Variants in KCNMB2 observed in about 807,000 individuals in gnomAD.
The protein encoded by KCNMB2 is potassium calcium-activated channel subfamily M regulatory beta subunit 2.
KCNMB2 carries 9 observed loss-of-function variants against 24.5 expected under a neutral mutation model. That is an observed-to-expected ratio of 0.37 (90% CI 0.22 to 0.64). The LOEUF (loss-of-function observed/expected upper bound fraction) is 0.64. KCNMB2 is among the 30% of genes least tolerant of loss of function. KCNMB2 has a pLI of 0.63. For synonymous variants in KCNMB2, 109 were observed against 104.4 expected, an observed-to-expected ratio of 1.04 and a Z score of -0.27; for missense variants, 226 against 284.3, an observed-to-expected ratio of 0.79 and a Z score of 1.47.
At chr3:178,760,732 T>C (rs1711827015) in intron 1 of KCNMB2, among the ~76,000 whole-genome samples, 2 of 151,862 alleles carry the variant, frequency 1.3e-5, no homozygotes, top group South Asian at 4.1e-4. Flanking sequence ...GGAAAGGCTT[T>C]GAAATTGTCC....
intron 1 of KCNMB2, among the ~76,000 whole-genome samples, chr3:178,574,760 A>G (rs1716930868): frequency 6.6e-6 from 1 of 152,194 alleles, no homozygotes; most frequent in Admixed American, 6.5e-5. Flanking sequence ...TACAATGTAC[A>G]CAATTTAAAT....
At chr3:178,541,575 AAATAT>A (rs1253669566) in intron 1 of KCNMB2, among the ~76,000 whole-genome samples, 3 of 152,318 alleles carry the variant, frequency 2.0e-5, no homozygotes, top group African/African-American at 4.8e-5. Context: ...CAATTAATTA[AAATAT>A]AATAGAATAA....
intron 1 of KCNMB2, among the ~76,000 whole-genome samples, chr3:178,585,786 CACTT>C (rs1209934918): frequency 1.3e-5 from 2 of 152,148 alleles, no homozygotes; most frequent in African/African-American, 2.4e-5. Context: ...ACAGTAGTCT[CACTT>C]ACAACATGTA....
chr3:178,620,344 TA>T (rs144640569), intron 1 of KCNMB2, among the ~76,000 whole-genome samples: 6,670 of 152,270 alleles, frequency 0.044, 453 homozygotes, highest in African/African-American at 0.15. Context: ...AATTTTAAAT[TA>T]TTTTTTAGAG....
chr3:178,825,850 T>G (rs1331497067), intron 3 of KCNMB2, 92 bp downstream of exon 3: 5 of 911,776 alleles, frequency 5.5e-6, no homozygotes, highest in African/African-American at 3.3e-5. Flanking sequence ...CTTCCTCACC[T>G]TCTTTCCTGA....
Position 178,736,738 on chromosome 3 carries a change from A to G in KCNMB2, c.-67-70605A>G, listed in dbSNP as rs551714894. 2.6e-5 allele frequency among the ~76,000 whole-genome samples: 4 copies of G among 152,336 alleles called. No homozygotes were observed. The South Asian group carries it at 8.3e-4, about 32-fold the overall frequency. On this transcript the variant is annotated intron_variant, in intron 1 of 4. Transcript: ENST00000452583. ...AATAAGTTGAAAAGTCTGAGTGAGA[A>G]CTGATACTAATGAAATATGTTTAAA...
chr3:178,721,438 T>C (rs1722802313), intron 1 of KCNMB2, among the ~76,000 whole-genome samples: 1 of 152,226 alleles, frequency 6.6e-6, no homozygotes. Flanking sequence ...TAGTATCCCA[T>C]TGTAGAGCTA....
At chr3:178,543,493 C>A (rs1715685786) in intron 1 of KCNMB2, among the ~76,000 whole-genome samples, 1 of 152,206 alleles carries the variant, frequency 6.6e-6, no homozygotes, top group South Asian at 2.1e-4. Flanking sequence ...TTAACCTCAT[C>A]AGTTACTCTA....
chr3:178,695,537 C>T (rs1244637967), intron 1 of KCNMB2, among the ~76,000 whole-genome samples: 1 of 152,152 alleles, frequency 6.6e-6, no homozygotes, highest in Non-Finnish European at 1.5e-5. Context: ...TTTCTTCCTC[C>T]AGTTACCCTA....
chr3:178,573,557 T>G (rs1716881063), intron 1 of KCNMB2, among the ~76,000 whole-genome samples: 1 of 146,098 alleles, frequency 6.8e-6, no homozygotes, highest in Non-Finnish European at 1.5e-5. Context: ...CTGGACAATG[T>G]GGGGAGACCT....
At chr3:178,564,222 G>A (rs1479782119) in intron 1 of KCNMB2, among the ~76,000 whole-genome samples, 2 of 151,880 alleles carry the variant, frequency 1.3e-5, no homozygotes, top group African/African-American at 2.4e-5. Context: ...AGGTTGCAGT[G>A]AGTCGAGGTC....
intron 1 of KCNMB2, among the ~76,000 whole-genome samples, chr3:178,742,291 G>A (rs1723519795): frequency 6.6e-6 from 1 of 152,018 alleles, no homozygotes; most frequent in African/African-American, 2.4e-5. Context: ...CAAGGGTGGG[G>A]GCTTTGTTTA....
intron 4 of KCNMB2, among the ~76,000 whole-genome samples, chr3:178,837,826 C>A (rs1239128937): frequency 6.6e-6 from 1 of 152,064 alleles, no homozygotes; most frequent in Admixed American, 6.6e-5. Context: ...TATGAAGAAT[C>A]TTACCTAGTG....
chr3:178,828,091 CAGG>C, intron 3 of KCNMB2, 84 bp from the exon 4 acceptor site: 1 of 1,018,718 alleles, frequency 9.8e-7, no homozygotes, highest in Non-Finnish European at 1.5e-6. Flanking sequence ...TTTTCAGCTT[CAGG>C]AGATGAGAAA....
intron 1 of KCNMB2, among the ~76,000 whole-genome samples, chr3:178,750,149 A>G (rs866137691): frequency 1.3e-5 from 2 of 152,134 alleles, no homozygotes; most frequent in South Asian, 4.1e-4. Context: ...AAGAAGTCCA[A>G]TGGGAATTAA....
At chr3:178,762,526 C>G (rs1167558754) in intron 1 of KCNMB2, among the ~76,000 whole-genome samples, 1 of 152,058 alleles carries the variant, frequency 6.6e-6, no homozygotes, top group Non-Finnish European at 1.5e-5. Flanking sequence ...AAGGGAAGCC[C>G]TGATAAAATG....
intron 1 of KCNMB2, among the ~76,000 whole-genome samples, chr3:178,671,184 G>A (rs1025825858): frequency 5.3e-5 from 8 of 151,014 alleles, no homozygotes; most frequent in African/African-American, 2.0e-4. Context: ...AACCTGCAGA[G>A]ATCTAAAGAA....
intron 1 of KCNMB2, among the ~76,000 whole-genome samples, chr3:178,555,397 C>T (rs947068292): frequency 3.9e-5 from 6 of 152,206 alleles, no homozygotes; most frequent in African/African-American, 1.4e-4. Context: ...TCATTACTAG[C>T]TGTGTCATCT....
chr3:178,578,930 C>T (rs1226476957), intron 1 of KCNMB2, among the ~76,000 whole-genome samples: 2 of 152,100 alleles, frequency 1.3e-5, no homozygotes, highest in African/African-American at 2.4e-5. Flanking sequence ...TAATGGGAGA[C>T]TTTAACACCC....
Sources: gnomAD v4.1 joint callset for allele counts (sites outside exome capture counted in the v4.1 genomes callset) on GRCh38, gnomAD v4.1.1 for gene constraint, MANE v1.5 for transcripts, NCBI Gene and HGNC (gene_info 2026-07-23, HGNC 2026-07-21) for gene names.